The following TAFA4 variants were observed in gnomAD, a reference collection of about 807,000 sequenced individuals.
TAFA4 encodes the protein chemokine-like protein TAFA-4.
TAFA4 carries 20 observed loss-of-function variants against 21.1 expected under a neutral mutation model. The observed-to-expected ratio is 0.95, with a 90% confidence interval of 0.67 to 1.38. The LOEUF (loss-of-function observed/expected upper bound fraction) is 1.38. Ranked by LOEUF, TAFA4 falls within the 40% of genes most tolerant of loss-of-function variation. The pLI, the probability that TAFA4 is intolerant of heterozygous loss-of-function variation, is 0.00. For synonymous variants in TAFA4, 71 were observed against 67.4 expected (o/e 1.05, Z -0.26); for missense variants, 211 against 180.9 (o/e 1.17, Z -0.95).
At chr3:68,826,267 A>C (rs1324043884) in intron 3 of TAFA4, among the ~76,000 whole-genome samples, 1 of 152,162 alleles carries the variant, frequency 6.6e-6, no homozygotes, top group East Asian at 1.9e-4. Flanking sequence ...ATGCATAAAA[A>C]GGGATAATAA....
intron 3 of TAFA4, among the ~76,000 whole-genome samples, chr3:68,784,302 T>A (rs2106801876): frequency 6.6e-6 from 1 of 152,340 alleles, no homozygotes; most frequent in South Asian, 2.1e-4. Context: ...GGGTTCTTGG[T>A]CTCACTGACT....
intron 3 of TAFA4, among the ~76,000 whole-genome samples, chr3:68,812,280 A>C (rs1180317578): frequency 6.6e-6 from 1 of 152,204 alleles, no homozygotes; most frequent in Admixed American, 6.5e-5. Flanking sequence ...CGAGCAAAAT[A>C]ACCAGCTAAC....
chr3:68,753,623 ACC>A (rs1297447205), intron 3 of TAFA4, among the ~76,000 whole-genome samples: 1 of 152,198 alleles, frequency 6.6e-6, no homozygotes, highest in African/African-American at 2.4e-5. Context: ...GGTGTGAGCC[ACC>A]GTCACTGGCC....
At chr3:68,839,394 C>G (rs1341299161) in intron 3 of TAFA4, among the ~76,000 whole-genome samples, 3 of 151,896 alleles carry the variant, frequency 2.0e-5, no homozygotes, top group Non-Finnish European at 4.4e-5. Context: ...ACCATTTGAG[C>G]ACATTAGAAA....
intron 3 of TAFA4, among the ~76,000 whole-genome samples, chr3:68,790,755 A>C (rs1009804042): frequency 2.6e-5 from 4 of 152,206 alleles, no homozygotes; most frequent in Non-Finnish European, 4.4e-5. Flanking sequence ...AGAACACAGG[A>C]GCAGTGAGGG....
chr3:68,744,755 G>A (rs1386804713), intron 4 of TAFA4, among the ~76,000 whole-genome samples: 2 of 152,088 alleles, frequency 1.3e-5, no homozygotes, highest in Non-Finnish European at 2.9e-5. Flanking sequence ...AGTGTTTAGG[G>A]ATTTAAATTA....
chr3:68,763,211 A>T (rs72925108), intron 3 of TAFA4, among the ~76,000 whole-genome samples: 30,969 of 152,096 alleles, frequency 0.2, 4,003 homozygotes, highest in East Asian at 0.61. Flanking sequence ...CCTTTAGGAA[A>T]ATTGGTGAAG....
intron 3 of TAFA4, among the ~76,000 whole-genome samples, chr3:68,802,367 C>A (rs1157999241): frequency 6.6e-6 from 1 of 151,618 alleles, no homozygotes; most frequent in African/African-American, 2.4e-5. Flanking sequence ...AATCTGTCAT[C>A]TTTAGAACCT....
intron 3 of TAFA4, among the ~76,000 whole-genome samples, chr3:68,876,811 AAAG>A (rs761782317): frequency 3.0e-4 from 46 of 152,320 alleles, no homozygotes; most frequent in Non-Finnish European, 6.2e-4. Flanking sequence ...ATAACATTCA[AAAG>A]AAGAAGACAG....
chr3:68,858,398 T>C (rs1559545278), intron 3 of TAFA4, among the ~76,000 whole-genome samples: 1 of 152,132 alleles, frequency 6.6e-6, no homozygotes, highest in Non-Finnish European at 1.5e-5. Context: ...GTGTACCTCC[T>C]ATTTTAATGA....
chr3:68,926,233 A>AC (rs2090106972), intron 1 of TAFA4, among the ~76,000 whole-genome samples: 1 of 152,082 alleles, frequency 6.6e-6, no homozygotes, highest in Non-Finnish European at 1.5e-5. Context: ...TCCAAAAAAA[A>AC]AAAAAAAATC....
chr3:68,761,962 GCTTGGTTGT>G (rs1414848472), intron 3 of TAFA4, among the ~76,000 whole-genome samples: 1 of 152,124 alleles, frequency 6.6e-6, no homozygotes, highest in African/African-American at 2.4e-5. Flanking sequence ...AAAACAAGGA[GCTTGGTTGT>G]TAAATTTCAT....
intron 3 of TAFA4, among the ~76,000 whole-genome samples, chr3:68,757,034 G>GTT (rs1238405494): frequency 6.6e-6 from 1 of 152,082 alleles, no homozygotes; most frequent in Admixed American, 6.5e-5. Context: ...TCCTTTCACA[G>GTT]TTACCTCTCA....
intron 3 of TAFA4, among the ~76,000 whole-genome samples, chr3:68,805,455 TATATACCCA>T (rs1205452076): frequency 6.6e-6 from 1 of 152,234 alleles, no homozygotes; most frequent in African/African-American, 2.4e-5. Flanking sequence ...CATTACTGGG[TATATACCCA>T]AAGGACTATA....
At chr3:68,764,837 G>T (rs1702818670) in intron 3 of TAFA4, among the ~76,000 whole-genome samples, 2 of 152,270 alleles carry the variant, frequency 1.3e-5, no homozygotes, top group South Asian at 4.1e-4. Context: ...GAGCATAGTT[G>T]CAAAGACACA....
intron 3 of TAFA4, among the ~76,000 whole-genome samples, chr3:68,832,680 C>T (rs1270705931): frequency 6.6e-6 from 1 of 152,212 alleles, no homozygotes; most frequent in Non-Finnish European, 1.5e-5. Context: ...ATTATCAGAG[C>T]TTGAATGCCA....
chr3:68,785,810 G>T (rs1181638240), intron 3 of TAFA4, among the ~76,000 whole-genome samples: 1 of 152,258 alleles, frequency 6.6e-6, no homozygotes, highest in Admixed American at 6.5e-5. Context: ...AGCGAGGGCT[G>T]TGAGGACTGC....
intron 1 of TAFA4, among the ~76,000 whole-genome samples, chr3:68,914,246 G>A (rs888809385): frequency 1.3e-5 from 2 of 152,108 alleles, no homozygotes; most frequent in African/African-American, 4.8e-5. Context: ...AAAACTTAGG[G>A]AACAATATAA....
rs375554682 is a variant in TAFA4, at chr3:68,830,239, T to G, written c.130+50491A>C. On this transcript the variant is annotated intron_variant, in intron 3 of 5. Coordinates refer to ENST00000295569, the MANE Select transcript of TAFA4 (RefSeq NM_182522.5). Reference sequence around the variant, plus strand: ...TCTTGTCTTCTGCTAGCTTTTGAATTTGTTTGCTCTTGCTTCTCTAGTTCT... The same window carrying G: ...TCTTGTCTTCTGCTAGCTTTTGAATGTGTTTGCTCTTGCTTCTCTAGTTCT... Among the ~76,000 whole-genome samples the G allele has an allele frequency of 9.9e-5, 15 of 152,200 alleles. No individual in the cohort carries two copies. The East Asian group carries it at 2.7e-3, about 27-fold the overall frequency.
Sources: allele counts gnomAD v4.1 joint callset (sites outside exome capture counted in the v4.1 genomes callset), GRCh38; gene constraint gnomAD v4.1.1; transcripts MANE v1.5; gene names NCBI Gene and HGNC (gene_info 2026-07-23, HGNC 2026-07-21).